RALGPS2: variants seen among roughly 807,000 people sequenced by gnomAD.
RALGPS2 encodes the protein ras-specific guanine nucleotide-releasing factor RalGPS2.
In RALGPS2, 43 loss-of-function variants were observed where a neutral mutation model predicts 86.8. That is an observed-to-expected ratio of 0.50 (90% CI 0.39 to 0.64). The LOEUF (loss-of-function observed/expected upper bound fraction) is 0.64, where lower values mean the gene tolerates loss of function less well. Ranked by LOEUF, RALGPS2 falls within the 30% of genes least tolerant of loss-of-function variation. RALGPS2 has a pLI of 0.00. For synonymous variants in RALGPS2, 243 were observed against 231.3 expected, an observed-to-expected ratio of 1.05 and a Z score of -0.46; for missense variants, 536 against 694.6, an observed-to-expected ratio of 0.77 and a Z score of 2.57.
chr1:178,750,732 A>G (rs574211813), intron 1 of RALGPS2, among the ~76,000 whole-genome samples: 1 of 152,294 alleles, frequency 6.6e-6, no homozygotes, highest in Non-Finnish European at 1.5e-5. Context: ...CTCCTTCTGC[A>G]TTTAAGGTTC....
intron 19 of RALGPS2, among the ~76,000 whole-genome samples, chr1:178,911,868 G>T (rs185073328): frequency 1.6e-3 from 241 of 152,226 alleles, no homozygotes; most frequent in African/African-American, 5.7e-3. Context: ...CTAAGAACTT[G>T]TTTTCCTAAT....
Position 178,831,101 on chromosome 1 carries a change from A to G in RALGPS2, c.481-2323A>G, listed in dbSNP as rs112835250. Reference sequence around the variant, plus strand: ...TAAAATGGAATAAAATTTGCCAAAAATGAAATAAAATTTGAGGGGAATGAT... The same window carrying G: ...TAAAATGGAATAAAATTTGCCAAAAGTGAAATAAAATTTGAGGGGAATGAT... On this transcript the variant is annotated intron_variant, in intron 7 of 19. Transcript: ENST00000367635. 2.4e-3 allele frequency among the ~76,000 whole-genome samples: 362 copies of G among 152,326 alleles called. 2 individuals are homozygous for G. Among genetic ancestry groups the G allele is most frequent in the South Asian group, 8.5e-3 (41 of 4,822 alleles).
At chr1:178,866,910 T>C (rs923484649) in intron 8 of RALGPS2, among the ~76,000 whole-genome samples, 3 of 152,150 alleles carry the variant, frequency 2.0e-5, no homozygotes, top group Non-Finnish European at 4.4e-5. Flanking sequence ...CCTTTCTCTC[T>C]AGTTACCTCC....
At chr1:178,747,652 T>C in intron 1 of RALGPS2, 1 of 1,547,902 alleles carries the variant, frequency 6.5e-7, no homozygotes, top group Non-Finnish European at 8.9e-7. Flanking sequence ...ATAATCATTC[T>C]CAGCATTTTG....
chr1:178,833,259 G>A (rs551499059), intron 7 of RALGPS2, among the ~76,000 whole-genome samples, 165 bp from the exon 8 acceptor site: 1 of 151,938 alleles, frequency 6.6e-6, no homozygotes, highest in Non-Finnish European at 1.5e-5. Flanking sequence ...ATTATTAATA[G>A]ACAAATCTGA....
chr1:178,833,405 T>C lies in RALGPS2; in HGVS notation c.481-19T>C. On this transcript the variant is annotated intron_variant, in intron 7 of 19. Transcript: ENST00000367635. Reference sequence around the variant, plus strand: ...AATGAGATTTGTAAATAACTTAGGTTTTTCTGTTTGTTTTTTAGTTATTAA... The same window carrying C: ...AATGAGATTTGTAAATAACTTAGGTCTTTCTGTTTGTTTTTTAGTTATTAA... 1.3e-5 allele frequency: 19 copies of C among 1,489,100 alleles called. No homozygotes were observed. Among genetic ancestry groups the C allele is most frequent in the Non-Finnish European group, 1.7e-5 (19 of 1,131,094 alleles). 92.2% of individuals were successfully genotyped at this position (1,489,100 alleles called of 1,614,324 possible).
intron 7 of RALGPS2, among the ~76,000 whole-genome samples, chr1:178,827,781 C>G (rs1002040609): frequency 1.3e-5 from 2 of 151,990 alleles, no homozygotes; most frequent in Non-Finnish European, 2.9e-5. Context: ...GACCAATGGA[C>G]CAAAATAAAG....
chr1:178,906,108 C>A (rs997102750), intron 18 of RALGPS2, among the ~76,000 whole-genome samples: 5 of 152,150 alleles, frequency 3.3e-5, no homozygotes, highest in Non-Finnish European at 5.9e-5. Flanking sequence ...TGTGGGGGCT[C>A]ATGCCTGCAA....
chr1:178,856,725 A>G (rs1191175208), intron 8 of RALGPS2, among the ~76,000 whole-genome samples: 1 of 152,118 alleles, frequency 6.6e-6, no homozygotes, highest in Non-Finnish European at 1.5e-5. Flanking sequence ...ACATAATTGT[A>G]GCTTATTTAA....
Position 178,897,754 on chromosome 1 carries a change from C to T in RALGPS2, c.1522C>T (p.His508Tyr), listed in dbSNP as rs1328832042. The part of the protein sequence containing the change: ...AKSLKATERK[H>Y]FKSTSNKNVS... The stretch of plus-strand genomic sequence containing the variant: ...ATCTCTAAAGGCTACCGAAAGAAAA[C>T]ATGTAAGTATTTGTTCTCTACATTT... The change falls in exon 17 of 20, where the codon CAT becomes TAT. Residue 508 changes from histidine (H) to tyrosine (Y), a missense_variant and splice_region_variant. This residue lies in a region of RALGPS2 where 309 missense variants were observed against 363.0 expected (regional missense o/e 0.85). Transcript: ENST00000367635. 2.5e-6 allele frequency: 4 copies of T among 1,607,218 alleles called. No individual in the cohort carries two copies. Among genetic ancestry groups the T allele is most frequent in the Non-Finnish European group, 3.4e-6 (4 of 1,174,430 alleles).
chr1:178,851,145 A>C, intron 8 of RALGPS2: 1 of 1,613,298 alleles, frequency 6.2e-7, no homozygotes, highest in South Asian at 1.1e-5. Context: ...AATAGGCTTG[A>C]TCATCATCTG....
At chr1:178,756,536 C>T (rs111486290) in intron 1 of RALGPS2, among the ~76,000 whole-genome samples, 27 of 152,030 alleles carry the variant, frequency 1.8e-4, no homozygotes, top group African/African-American at 5.1e-4. Context: ...GTACTAGAAC[C>T]GTGCTGTTTT....
chr1:178,897,158 T>G (rs1659985645), intron 16 of RALGPS2, among the ~76,000 whole-genome samples: 1 of 151,936 alleles, frequency 6.6e-6, no homozygotes, highest in Non-Finnish European at 1.5e-5. Flanking sequence ...AAAGAAGACA[T>G]TTATGCAGCC....
intron 7 of RALGPS2, among the ~76,000 whole-genome samples, chr1:178,829,860 T>A (rs1298817925): frequency 6.6e-6 from 1 of 152,162 alleles, no homozygotes; most frequent in Non-Finnish European, 1.5e-5. Context: ...TTCTCCTGCC[T>A]CAGCCTCCTG....
intron 7 of RALGPS2, among the ~76,000 whole-genome samples, chr1:178,828,945 A>G (rs770785417): frequency 6.6e-6 from 1 of 152,198 alleles, no homozygotes; most frequent in African/African-American, 2.4e-5. Context: ...ATTGAAATTG[A>G]TATGTCAAAG....
intron 1 of RALGPS2, among the ~76,000 whole-genome samples, chr1:178,765,740 G>A (rs949357831): frequency 6.6e-6 from 1 of 152,140 alleles, no homozygotes; most frequent in African/African-American, 2.4e-5. Flanking sequence ...TCCCAAAGCG[G>A]CCATTTCAGA....
At chr1:178,798,821 A>G (rs1025460586) in intron 4 of RALGPS2, among the ~76,000 whole-genome samples, 18 of 152,198 alleles carry the variant, frequency 1.2e-4, no homozygotes. Flanking sequence ...AGAAAAAGCA[A>G]ACTCATTATA....
chr1:178,777,676 T>A (rs1433167108), intron 2 of RALGPS2, among the ~76,000 whole-genome samples: 1 of 151,744 alleles, frequency 6.6e-6, no homozygotes, highest in Non-Finnish European at 1.5e-5. Flanking sequence ...AACAGCATGG[T>A]ACTGGTACCA....
intron 4 of RALGPS2, among the ~76,000 whole-genome samples, chr1:178,792,668 A>G (rs550129727): frequency 1.3e-5 from 2 of 152,070 alleles, no homozygotes; most frequent in African/African-American, 4.8e-5. Flanking sequence ...AAGATGTTCC[A>G]TTTGTCCATT....
Sources: allele counts gnomAD v4.1 joint callset (sites outside exome capture counted in the v4.1 genomes callset), GRCh38; gene constraint gnomAD v4.1.1; regional missense constraint gnomAD v4.1.1; transcripts MANE v1.5; gene names NCBI Gene and HGNC (gene_info 2026-07-23, HGNC 2026-07-21).